The following MYO18B variants were observed in gnomAD, a reference collection of about 807,000 sequenced individuals.
MYO18B encodes myosin XVIIIB.
MYO18B carries 204 observed loss-of-function variants against 273.0 expected under a neutral mutation model. The ratio of observed to expected loss-of-function variants is 0.75; its 90% CI spans 0.67 to 0.84. The LOEUF (loss-of-function observed/expected upper bound fraction) is 0.84. MYO18B is among the 40% of genes least tolerant of loss of function. The pLI is 0.00. For missense variants in MYO18B, 3,212 were observed against 3,287.6 expected (o/e 0.98, Z 0.56); for synonymous variants, 1,330 against 1,305.7 (o/e 1.02, Z -0.40).
At chr22:25,770,283 G>T in intron 5 of MYO18B, 107 bp downstream of exon 5, 1 of 1,096,296 alleles carries the variant, frequency 9.1e-7, no homozygotes, top group South Asian at 1.4e-5. Flanking sequence ...TGGTCAGGAG[G>T]GAAGAGGAGC....
Position 26,003,255 on chromosome 22 carries a change from CTCT to C in MYO18B, c.6288-8_6288-6del. ...GAGGATAACACACTCTTTCTTGTGC[CTCT>C]TACTAGTGTCCAGACGGCAGTGGAT... is the stretch of plus-strand genomic sequence containing the variant. On this transcript the variant is annotated splice_polypyrimidine_tract_variant and splice_region_variant and intron_variant, in intron 40 of 43. Coordinates refer to ENST00000335473, the MANE Select transcript of MYO18B (RefSeq NM_032608.7). 6.2e-7 allele frequency: 1 copy of C among 1,606,814 alleles called. No individual in the cohort carries two copies. Among genetic ancestry groups the C allele is most frequent in the Non-Finnish European group, 8.5e-7 (1 of 1,176,696 alleles).
chr22:26,032,865 T>C (rs1047102195), downstream of MYO18B, among the ~76,000 whole-genome samples: 7 of 152,278 alleles, frequency 4.6e-5, no homozygotes, highest in Middle Eastern at 0.01. Flanking sequence ...GTTAGAACTT[T>C]TAACACATGA....
downstream of MYO18B, among the ~76,000 whole-genome samples, chr22:26,034,966 G>A (rs965671130): frequency 4.6e-5 from 7 of 152,194 alleles, no homozygotes; most frequent in Non-Finnish European, 8.8e-5. Flanking sequence ...CCCTGTCTTC[G>A]TGAAGCTTAT....
At chr22:25,760,953 C>A in intron 1 of MYO18B, 31 bp from the exon 2 acceptor site, 2 of 956,698 alleles carry the variant, frequency 2.1e-6, no homozygotes, top group Non-Finnish European at 1.6e-6. Flanking sequence ...CTGTCTCTCT[C>A]TTCTCTCCCC....
chr22:25,814,233 C>T (rs2145843527), intron 12 of MYO18B, among the ~76,000 whole-genome samples: 1 of 145,786 alleles, frequency 6.9e-6, no homozygotes, highest in Non-Finnish European at 1.5e-5. Context: ...GTCTCTGTCT[C>T]TCCTAAATAA....
At position 25,813,261 on chromosome 22, in the gene MYO18B, C is replaced by T. The variant is rs190433323; in HGVS notation, c.2522-10244C>T. Reference sequence around the variant, plus strand: ...GTGCAATGGTGCAGTCTCAGCTCACCGCAACCTCCACCTCCTGGGTTCAAG... The same window carrying T: ...GTGCAATGGTGCAGTCTCAGCTCACTGCAACCTCCACCTCCTGGGTTCAAG... On this transcript the variant is annotated intron_variant, in intron 12 of 43. Transcript: ENST00000335473. Among the ~76,000 whole-genome samples, 11 of 150,432 alleles carry T rather than the reference C, an allele frequency of 7.3e-5. No homozygotes were observed. The East Asian group carries it at 1.4e-3, about 19-fold the overall frequency.
At position 25,743,115 on chromosome 22, in the gene MYO18B, G is replaced by T. The variant is rs1019710245; in HGVS notation, c.-110+822G>T. Among the ~76,000 whole-genome samples the T allele has an allele frequency of 2.6e-5, 4 of 152,264 alleles. No homozygotes were observed. The East Asian group carries it at 7.7e-4, about 29-fold the overall frequency. On this transcript the variant is annotated intron_variant, in intron 1 of 43. Transcript: ENST00000335473. ...GAATGGGGAGCCCAGTCGGCTCCCA[G>T]TCGGCTCCAAGCTGTCCAGTCTGGC... is the stretch of plus-strand genomic sequence containing the variant.
chr22:25,825,498 A>T (rs1303484321), intron 13 of MYO18B, among the ~76,000 whole-genome samples: 1 of 152,202 alleles, frequency 6.6e-6, no homozygotes, highest in Non-Finnish European at 1.5e-5. Flanking sequence ...ATGCACCCTA[A>T]TCAAGGCTGG....
intron 43 of MYO18B, among the ~76,000 whole-genome samples, chr22:26,029,806 G>A (rs8136540): frequency 0.027 from 4,084 of 152,186 alleles, 186 homozygotes; most frequent in African/African-American, 0.091. Context: ...TCCTCAGTTG[G>A]AAAACAGGGG....
At chr22:25,753,144 C>T (rs1568967103) in intron 1 of MYO18B, among the ~76,000 whole-genome samples, 2 of 152,216 alleles carry the variant, frequency 1.3e-5, no homozygotes, top group Non-Finnish European at 2.9e-5. Context: ...ATGGACTGCC[C>T]AAGCGCTGAT....
chr22:25,991,915 G>GAAAGA (rs67543605), intron 39 of MYO18B, among the ~76,000 whole-genome samples: 1 of 25,726 alleles, frequency 3.9e-5, no homozygotes. Context: ...GGACAGACTT[G>GAAAGA]AAACTATCTT....
intron 12 of MYO18B, among the ~76,000 whole-genome samples, chr22:25,813,298 C>T (rs2088849841): frequency 6.6e-6 from 1 of 151,898 alleles, no homozygotes; most frequent in Non-Finnish European, 1.5e-5. Context: ...GATTCTCCTG[C>T]CTCAGCCTCC....
chr22:25,742,797 A>T (rs947136328), intron 1 of MYO18B, among the ~76,000 whole-genome samples: 1 of 152,168 alleles, frequency 6.6e-6, no homozygotes, highest in Non-Finnish European at 1.5e-5. Context: ...TTAAGCATGT[A>T]TGAGTGTTGG....
chr22:25,878,617 C>T (rs1410369917), intron 25 of MYO18B, among the ~76,000 whole-genome samples: 3 of 152,146 alleles, frequency 2.0e-5, no homozygotes, highest in Admixed American at 6.5e-5. Flanking sequence ...TTCAAATGGC[C>T]AATAAACTCA....
At chr22:25,777,850 C>CT in intron 8 of MYO18B, 69 bp downstream of exon 8, 1 of 1,424,354 alleles carries the variant, frequency 7.0e-7, no homozygotes, top group East Asian at 2.4e-5. Context: ...GGATGCTGAG[C>CT]TGCTTTCTTA....
intron 25 of MYO18B, among the ~76,000 whole-genome samples, chr22:25,887,700 T>C (rs1160755861): frequency 6.6e-6 from 1 of 152,034 alleles, no homozygotes; most frequent in Non-Finnish European, 1.5e-5. Flanking sequence ...CTGTGCCCCA[T>C]GGTGTGGGAA....
At chr22:25,951,545 T>A (rs2092793019) in intron 37 of MYO18B, among the ~76,000 whole-genome samples, 1 of 152,214 alleles carries the variant, frequency 6.6e-6, no homozygotes, top group Non-Finnish European at 1.5e-5. Context: ...AGATGGTCTG[T>A]GCAAGACAGG....
chr22:26,037,098 G>A, the MYO18B span, among the ~76,000 whole-genome samples: 11 of 152,006 alleles, frequency 7.2e-5, no homozygotes, highest in Non-Finnish European at 1.2e-4. Context: ...CGGGCCTATG[G>A]ATCACATCAC....
intron 34 of MYO18B, among the ~76,000 whole-genome samples, chr22:25,933,279 C>T (rs952202445): frequency 1.3e-5 from 2 of 152,168 alleles, no homozygotes; most frequent in African/African-American, 2.4e-5. Context: ...ATGAGCTTGT[C>T]ATCCTAGCAC....
Sources: gnomAD v4.1 joint callset for allele counts (sites outside exome capture counted in the v4.1 genomes callset) on GRCh38, gnomAD v4.1.1 for gene constraint, MANE v1.5 for transcripts, NCBI Gene and HGNC (gene_info 2026-07-23, HGNC 2026-07-21) for gene names.